ACYP2: variants seen among roughly 807,000 people sequenced by gnomAD.
The protein encoded by ACYP2 is acylphosphatase-2.
Under a neutral mutation model 11.2 loss-of-function variants are expected in ACYP2, and 12 were observed. That is an observed-to-expected ratio of 1.08 (90% CI 0.69 to 1.74). The LOEUF is 1.74. Ranked by LOEUF, ACYP2 falls within the 40% of genes most tolerant of loss-of-function variation. The pLI is 0.00. For missense variants in ACYP2, 134 were observed against 101.9 expected (o/e 1.31, Z -1.35); for synonymous variants, 43 against 32.2 (o/e 1.33, Z -1.13).
chr2:54,103,655 A>G (rs960950991), intron 4 of ACYP2, among the ~76,000 whole-genome samples: 3 of 152,210 alleles, frequency 2.0e-5, no homozygotes, highest in African/African-American at 7.2e-5. Context: ...AAAATGGGCC[A>G]TTGATTTTCT....
At chr2:54,286,371 C>G (rs905477278) in intron 6 of ACYP2, among the ~76,000 whole-genome samples, 1 of 151,994 alleles carries the variant, frequency 6.6e-6, no homozygotes, top group Admixed American at 6.5e-5. Flanking sequence ...AGTAAGATTT[C>G]TACTAAATGT....
chr2:54,268,767 GCACTGCACTCCAGC>G (rs1688148703), intron 6 of ACYP2, among the ~76,000 whole-genome samples: 1 of 152,036 alleles, frequency 6.6e-6, no homozygotes, highest in Non-Finnish European at 1.5e-5. Context: ...CGTGTTGGCA[GCACTGCACTCCAGC>G]CTGGAGCAAG....
intron 2 of ACYP2, among the ~76,000 whole-genome samples, chr2:54,003,627 A>C (rs1307118704): frequency 6.6e-6 from 1 of 152,188 alleles, no homozygotes; most frequent in Non-Finnish European, 1.5e-5. Context: ...TTATATATCC[A>C]TTTACCTATT....
chr2:54,140,767 T>C (rs1383972737), intron 6 of ACYP2, among the ~76,000 whole-genome samples: 1 of 152,190 alleles, frequency 6.6e-6, no homozygotes, highest in Non-Finnish European at 1.5e-5. Context: ...AAATGCATTT[T>C]TTTCTGTCTT....
intron 4 of ACYP2, among the ~76,000 whole-genome samples, chr2:54,090,012 G>T (rs1678140371): frequency 6.6e-6 from 1 of 151,836 alleles, no homozygotes; most frequent in Admixed American, 6.6e-5. Flanking sequence ...AGGGCATGGT[G>T]GCGGGCACCT....
chr2:54,242,652 T>C (rs1266589547), intron 6 of ACYP2, among the ~76,000 whole-genome samples: 2 of 152,240 alleles, frequency 1.3e-5, no homozygotes, highest in African/African-American at 4.8e-5. Flanking sequence ...CAAATGTCAT[T>C]GTGTTACAGT....
Position 54,124,959 on chromosome 2 carries a change from G to A in ACYP2, c.278-10494G>A, listed in dbSNP as rs540612547. On this transcript the variant is annotated intron_variant, in intron 4 of 6. Coordinates refer to ENST00000607452, the MANE Select transcript of ACYP2 (RefSeq NM_001320586.2). The stretch of plus-strand genomic sequence containing the variant: ...TGTAGAGATGGGGTTTCACCATGTT[G>A]CCCAGGCTGGTCTTGAACTCTGGAC... Among the ~76,000 whole-genome samples the A allele has an allele frequency of 1.2e-3, 188 of 152,232 alleles. 1 individual carries two copies. Among genetic ancestry groups the A allele is most frequent in the African/African-American group, 4.5e-3 (187 of 41,540 alleles).
intron 6 of ACYP2, among the ~76,000 whole-genome samples, chr2:54,146,169 G>T (rs186586475): frequency 2.7e-4 from 41 of 152,260 alleles, no homozygotes; most frequent in African/African-American, 9.9e-4. Context: ...GAATTTTGAA[G>T]GCATAGTTCC....
At chr2:54,263,528 A>G (rs930774798) in intron 6 of ACYP2, among the ~76,000 whole-genome samples, 1 of 152,176 alleles carries the variant, frequency 6.6e-6, no homozygotes, top group African/African-American at 2.4e-5. Flanking sequence ...GGAGGCTGAG[A>G]TGGGAGGATC....
At chr2:54,031,611 C>T (rs1199217884) in intron 2 of ACYP2, among the ~76,000 whole-genome samples, 2 of 152,106 alleles carry the variant, frequency 1.3e-5, no homozygotes, top group African/African-American at 4.8e-5. Context: ...TTTATAGCAG[C>T]ATGATTTATA....
chr2:53,980,773 A>G (rs1671714357), intron 2 of ACYP2, among the ~76,000 whole-genome samples: 1 of 150,638 alleles, frequency 6.6e-6, no homozygotes. Context: ...TTCTTTTTAG[A>G]TAGGCTTTCA....
At position 54,111,890 on chromosome 2, in the gene ACYP2, A is replaced by T. The variant is rs1488874207; in HGVS notation, c.278-23563A>T. Among the ~76,000 whole-genome samples the T allele has an allele frequency of 1.9e-4, 29 of 152,210 alleles. 1 individual carries two copies. Among genetic ancestry groups the T allele is most frequent in the Admixed American group, 1.9e-3 (29 of 15,288 alleles). ...AAATAACTCTAGCAATCACTTTCAA[A>T]TGACCCCATGTGGTGATGAATTTGA... On this transcript the variant is annotated intron_variant, in intron 4 of 6. Transcript: ENST00000607452.
intron 4 of ACYP2, among the ~76,000 whole-genome samples, chr2:54,090,587 C>T (rs1678175139): frequency 6.6e-6 from 1 of 152,184 alleles, no homozygotes; most frequent in Admixed American, 6.5e-5. Flanking sequence ...GCCAAGATTG[C>T]ACCACTGCGC....
chr2:54,284,802 G>A (rs975010239), intron 6 of ACYP2, among the ~76,000 whole-genome samples: 2 of 152,038 alleles, frequency 1.3e-5, no homozygotes, highest in African/African-American at 4.8e-5. Flanking sequence ...ATTGTAACCA[G>A]GATCAACTAG....
At chr2:54,049,304 T>C (rs1052602772) in intron 2 of ACYP2, among the ~76,000 whole-genome samples, 1 of 152,068 alleles carries the variant, frequency 6.6e-6, no homozygotes, top group Non-Finnish European at 1.5e-5. Flanking sequence ...GCCACCCTGA[T>C]CTTTTGTGAA....
At chr2:54,197,906 TTTATTTTA>T (rs1435501722) in intron 6 of ACYP2, among the ~76,000 whole-genome samples, 2 of 113,026 alleles carry the variant, frequency 1.8e-5, no homozygotes, top group South Asian at 4.5e-4. Context: ...TTTATTTTAT[TTTATTTTA>T]TTATTTTATT....
intron 2 of ACYP2, among the ~76,000 whole-genome samples, chr2:54,026,275 T>TGAATA (rs1674282027): frequency 6.6e-6 from 1 of 152,008 alleles, no homozygotes; most frequent in Non-Finnish European, 1.5e-5. Context: ...GAATAGACAG[T>TGAATA]TCTCAAAAGA....
chr2:54,081,974 A>C (rs1039903367), intron 4 of ACYP2, among the ~76,000 whole-genome samples: 2 of 152,210 alleles, frequency 1.3e-5, no homozygotes, highest in Non-Finnish European at 2.9e-5. Flanking sequence ...GGGCAGTCAT[A>C]ATTCTAAAGC....
intron 4 of ACYP2, among the ~76,000 whole-genome samples, chr2:54,112,464 C>T (rs1209146642): frequency 6.6e-6 from 1 of 152,168 alleles, no homozygotes; most frequent in African/African-American, 2.4e-5. Flanking sequence ...ATATCAAGAA[C>T]AATACATGCT....
Sources: gnomAD v4.1 joint callset for allele counts (sites outside exome capture counted in the v4.1 genomes callset) on GRCh38, gnomAD v4.1.1 for gene constraint, MANE v1.5 for transcripts, NCBI Gene and HGNC (gene_info 2026-07-23, HGNC 2026-07-21) for gene names.